POTEC: variants seen among roughly 807,000 people sequenced by gnomAD.
The protein encoded by POTEC is ANKRD26-like family B member 2.
A neutral mutation model predicts 62.0 loss-of-function variants in POTEC; 35 were observed. The ratio of observed to expected loss-of-function variants is 0.56; its 90% CI spans 0.43 to 0.75. POTEC has a LOEUF of 0.75. Ranked by LOEUF, POTEC falls within the 30% of genes least tolerant of loss-of-function variation. The pLI, the probability that POTEC is intolerant of heterozygous loss-of-function variation, is 0.00. For missense variants in POTEC, 472 were observed against 655.9 expected (o/e 0.72, Z 3.06); for synonymous variants, 156 against 221.5 (o/e 0.70, Z 2.62).
chr18:14,507,631 T>C lies in POTEC; in HGVS notation c.*4267A>G, dbSNP rs1909881005. ...TTGATCCTGTCATCATGCTGTCAGC[T>C]GGCTCTTTTGCAGACTTATGTATGT... is the stretch of plus-strand genomic sequence containing the variant. On this transcript the variant is annotated 3_prime_UTR_variant, in exon 11 of 11. Coordinates refer to ENST00000358970, the MANE Select transcript of POTEC (RefSeq NM_001137671.2). The C allele has an allele frequency of 6.6e-6, 1 of 152,170 alleles. No individual in the cohort carries two copies. The highest frequency in any genetic ancestry group is 1.5e-5 in the Non-Finnish European group (1 of 68,044). The allele number at this position is 152,170 out of a possible 1,614,324, so 9.4% of individuals were successfully genotyped here. A position where few individuals can be genotyped will look rare whatever the true frequency, so the allele number is the denominator to read the frequency against.
chr18:14,538,231 G>A lies in POTEC; in HGVS notation c.540C>T (p.Ala180=). The change falls in exon 2 of 11, where the codon GCC becomes GCT. Residue 180 remains alanine, a synonymous_variant. Coordinates refer to ENST00000358970, the MANE Select transcript of POTEC (RefSeq NM_001137671.2). ...DKQKRTALHL[A]SANGNSEVVQ... The stretch of plus-strand genomic sequence containing the variant: ...CTACTTCTGAATTTCCATTGGCAGA[G>A]GCCAAATGTAGAGCAGTCCTATGAG... 2 of 1,609,096 alleles carry A rather than the reference G, an allele frequency of 1.2e-6. No individual in the cohort carries two copies. The highest frequency in any genetic ancestry group is 8.5e-7 in the Non-Finnish European group (1 of 1,178,204).
chr18:14,511,941 A>G lies in POTEC; in HGVS notation c.1586T>C (p.Leu529Ser). The G allele has an allele frequency of 6.2e-7, 1 of 1,613,854 alleles. No homozygotes were observed. Residue 529 changes from leucine to serine, a missense_variant, in exon 11 of 11, where the codon TTG becomes TCG. Around this residue, in one of 5 missense-constraint regions of POTEC, gnomAD observed 67 missense variants for 58.3 expected, o/e 1.15. Transcript: ENST00000358970. ...EEDLLRENSM[L>S]QEEIAMLISG... ...AATTAGCATGGCAATTTCTTCCTGC[A>G]ACATGCTGTTTTCACGCAAGAGATC... is the stretch of plus-strand genomic sequence containing the variant.
At chr18:14,532,408 A>G (rs561209309) in intron 5 of POTEC, among the ~76,000 whole-genome samples, 8 of 152,240 alleles carry the variant, frequency 5.3e-5, no homozygotes, top group African/African-American at 1.9e-4. Context: ...AGGTAAGGGA[A>G]CTAAAAAATG....
Position 14,512,864 on chromosome 18 carries a change from T to C in POTEC, c.1533+798A>G, listed in dbSNP as rs1424944203. On this transcript the variant is annotated intron_variant, in intron 10 of 10. Transcript: ENST00000358970. Reference sequence around the variant, plus strand: ...CTACTGCTAGTGATCCTCCACAAAATCACAGTTGCTTCTGTAGTGTAAATA... The same window carrying C: ...CTACTGCTAGTGATCCTCCACAAAACCACAGTTGCTTCTGTAGTGTAAATA... Among the ~76,000 whole-genome samples the C allele has an allele frequency of 2.0e-5, 3 of 152,226 alleles. No individual in the cohort carries two copies. The East Asian group carries it at 5.8e-4, about 29-fold the overall frequency.
rs773018639 is a variant in POTEC, at chr18:14,542,997, G to C, written c.150C>G (p.Asp50Glu). The change falls in exon 1 of 11, where the codon GAC (aspartate) becomes GAG (glutamate). Residue 50 changes from aspartate to glutamate, a missense_variant. Coordinates refer to ENST00000358970, the MANE Select transcript of POTEC (RefSeq NM_001137671.2). ...KSNMGTSGDH[D>E]DSFMKMLRSK... ...TCCTGAGCATCTTCATAAAGGAGTC[G>C]TCGTGGTCTCCAGAAGTGCCCATGT... 5 of 1,612,910 alleles carry C rather than the reference G, an allele frequency of 3.1e-6. No individual in the cohort carries two copies. The East Asian group carries it at 1.1e-4, about 36-fold the overall frequency.
At chr18:14,541,901 T>C (rs1905945792) in intron 1 of POTEC, among the ~76,000 whole-genome samples, 1 of 152,256 alleles carries the variant, frequency 6.6e-6, no homozygotes, top group Non-Finnish European at 1.5e-5. Context: ...TTCTGTTCTG[T>C]TCATTTATGT....
rs566278469 is a variant in POTEC, at chr18:14,537,995, A to C, written c.637-21T>G. ...ACGGCCTGTCAGTATTAGACCAAAA[A>C]CAAATTATTAAGTCCTAGGAATTCA... On this transcript the variant is annotated intron_variant, in intron 2 of 10. Transcript: ENST00000358970. The C allele has an allele frequency of 8.1e-6, 13 of 1,599,178 alleles. 1 individual carries two copies. In the Admixed American group the frequency reaches 8.7e-5, roughly 11 times the overall value.
At chr18:14,529,434 C>T (rs1598480065) in intron 6 of POTEC, among the ~76,000 whole-genome samples, 2 of 152,262 alleles carry the variant, frequency 1.3e-5, no homozygotes, top group African/African-American at 4.8e-5. Flanking sequence ...AGGATCAAAA[C>T]TACATCTATT....
Position 14,510,615 on chromosome 18 carries a change from G to T in POTEC, c.*1283C>A, listed in dbSNP as rs1909978732. The T allele has an allele frequency of 6.6e-6, 1 of 152,328 alleles. No individual in the cohort carries two copies. The highest frequency in any genetic ancestry group is 1.5e-5 in the Non-Finnish European group (1 of 68,144). 9.4% of individuals were successfully genotyped at this position (152,328 alleles called of 1,614,324 possible). Reference sequence around the variant, plus strand: ...TGAGAAAAAGCAAAGACGATAGCCTGCCCTTCCCTCTGGGAGCTCTGTACC... The same window carrying T: ...TGAGAAAAAGCAAAGACGATAGCCTTCCCTTCCCTCTGGGAGCTCTGTACC... On this transcript the variant is annotated 3_prime_UTR_variant, in exon 11 of 11. Transcript: ENST00000358970.
intron 7 of POTEC, 96 bp downstream of exon 7, chr18:14,524,817 C>A: frequency 2.2e-6 from 3 of 1,343,278 alleles, no homozygotes; most frequent in South Asian, 1.6e-5. Flanking sequence ...ATTCTTAAAA[C>A]CTAGTCTGAA....
rs1906035052 is a variant in POTEC, at chr18:14,543,441, G to A, written c.-295C>T. The A allele has an allele frequency of 1.8e-6, 1 of 569,476 alleles. No individual in the cohort carries two copies. The highest frequency in any genetic ancestry group is 3.1e-6 in the Non-Finnish European group (1 of 319,160). The allele number at this position is 569,476 out of a possible 1,614,324, so 35.3% of individuals were successfully genotyped here. Reference sequence around the variant, plus strand: ...AGTCAAGGGAATGCCAAACCCAGCAGAGAAAAAGTCAAGCCCAGCAAAGGA... The same window carrying A: ...AGTCAAGGGAATGCCAAACCCAGCAAAGAAAAAGTCAAGCCCAGCAAAGGA... On this transcript the variant is annotated 5_prime_UTR_variant, in exon 1 of 11. Transcript: ENST00000358970.
rs577034938 is a variant in POTEC at position 14,508,236 on chromosome 18, A to G, written c.*3662T>C. On this transcript the variant is annotated 3_prime_UTR_variant, in exon 11 of 11. Transcript: ENST00000358970. The stretch of plus-strand genomic sequence containing the variant: ...TAGATTTGGTCGTTTATATAATCCC[A>G]TATTTCTCGGATGTTTTGTTCATTC... 3.3e-5 allele frequency: 5 copies of G among 152,322 alleles called. No individual in the cohort carries two copies. The South Asian group carries it at 8.4e-4, about 25-fold the overall frequency. The allele number at this position is 152,322 out of a possible 1,614,324, so 9.4% of individuals were successfully genotyped here. A position where few individuals can be genotyped will look rare whatever the true frequency, so the allele number is the denominator to read the frequency against.
chr18:14,516,326 A>G (rs1321137919), intron 9 of POTEC, among the ~76,000 whole-genome samples: 45 of 75,190 alleles, frequency 6.0e-4, no homozygotes, highest in Non-Finnish European at 1.0e-3. Flanking sequence ...ATATATATAT[A>G]TATATATATA....
chr18:14,537,136 C>A (rs1905744079), intron 3 of POTEC, among the ~76,000 whole-genome samples: 2 of 134,408 alleles, frequency 1.5e-5, no homozygotes, highest in Non-Finnish European at 3.2e-5. Flanking sequence ...AGAACCCTGT[C>A]TCACCATATA....
At chr18:14,529,981 C>G (rs369343694) in intron 6 of POTEC, among the ~76,000 whole-genome samples, 1 of 152,000 alleles carries the variant, frequency 6.6e-6, no homozygotes, top group Non-Finnish European at 1.5e-5. Context: ...CTATTATGAA[C>G]CACACCACAC....
rs763460392 is a variant in POTEC at position 14,542,627 on chromosome 18, T to C, written c.520A>G (p.Arg174Gly). Reference protein sequence around the residue: ...TDMNKRDKQKRTALHLASANG... With the variant: ...TDMNKRDKQKGTALHLASANG... ...TCCTCCCATCCCAGGCCCAGTTACC[T>C]CTTTTGCTTGTCCCTCTTGTTCATG... The change falls in exon 1 of 11, where the codon AGG becomes GGG. Residue 174 changes from arginine (R) to glycine (G), a missense_variant and splice_region_variant. By Grantham distance (125) the Arg-to-Gly change is moderately radical (BLOSUM62 -2). Around this residue, in one of 5 missense-constraint regions of POTEC, gnomAD observed 257 missense variants for 250.7 expected, o/e 1.03. Coordinates refer to ENST00000358970, the MANE Select transcript of POTEC (RefSeq NM_001137671.2). 6.2e-7 allele frequency: 1 copy of C among 1,612,238 alleles called. No individual in the cohort carries two copies. Among genetic ancestry groups the C allele is most frequent in the Non-Finnish European group, 8.5e-7 (1 of 1,179,928 alleles).
In POTEC at chr18:14,509,229, CTG is replaced by C. The variant is rs1459588333; in HGVS notation, c.*2667_*2668del. 2 of 146,114 alleles carry C rather than the reference CTG, an allele frequency of 1.4e-5. No individual in the cohort carries two copies. The highest frequency in any genetic ancestry group is 2.9e-5 in the Non-Finnish European group (2 of 68,104). 9.1% of individuals were successfully genotyped at this position (146,114 alleles called of 1,614,324 possible). On this transcript the variant is annotated 3_prime_UTR_variant, in exon 11 of 11. Transcript: ENST00000358970. ...GGTGTGGGCCACGGGCCCCTGCTGA[CTG>C]TGTGTGCTGTTGCACTGGAGGTAGT...
intron 1 of POTEC, among the ~76,000 whole-genome samples, chr18:14,539,509 A>G (rs1487011434): frequency 7.0e-6 from 1 of 143,856 alleles, no homozygotes; most frequent in African/African-American, 2.6e-5. Flanking sequence ...GCTCCCACCT[A>G]TAAGTGAGAC....
chr18:14,540,554 TCTA>T (rs1157238284), intron 1 of POTEC, among the ~76,000 whole-genome samples: 1 of 152,230 alleles, frequency 6.6e-6, no homozygotes, highest in Non-Finnish European at 1.5e-5. Flanking sequence ...TATCTCTGTA[TCTA>T]CTGACACCCT....
Sources: allele counts gnomAD v4.1 joint callset (sites outside exome capture counted in the v4.1 genomes callset), GRCh38; gene constraint gnomAD v4.1.1; regional missense constraint gnomAD v4.1.1; transcripts MANE v1.5; gene names NCBI Gene and HGNC (gene_info 2026-07-23, HGNC 2026-07-21).